PAX4: variants seen among roughly 807,000 people sequenced by gnomAD.
The protein encoded by PAX4 is paired box protein Pax-4.
In PAX4, 33 loss-of-function variants were observed where a neutral mutation model predicts 40.6. The observed-to-expected ratio is 0.81, with a 90% confidence interval of 0.62 to 1.09. PAX4 has a LOEUF of 1.09. Among genes scored for constraint, PAX4 ranks in the 50% least tolerant of loss-of-function variants. PAX4 has a pLI of 0.00. For missense variants in PAX4, 459 were observed against 442.5 expected (o/e 1.04, Z -0.33); for synonymous variants, 174 against 170.6 (o/e 1.02, Z -0.16).
rs555225182 is a variant in PAX4 at position 127,615,216 on chromosome 7, G to A, written c.145-121C>T. 397 of 1,595,596 alleles carry A rather than the reference G, an allele frequency of 2.5e-4. 1 individual carries two copies. Among genetic ancestry groups the A allele is most frequent in the Admixed American group, 2.9e-4 (17 of 57,824 alleles). ...ACTTACTGGACCAGGCCATGAAGTC[G>A]GGAGTCCAGCCTCACCTTTGAGGGC... On this transcript the variant is annotated intron_variant, in intron 4 of 11. Coordinates refer to ENST00000639438, the MANE Select transcript of PAX4 (RefSeq NM_001366110.1).
chr7:127,612,964 G>T, intron 9 of PAX4, 58 bp downstream of exon 9: 2 of 1,263,278 alleles, frequency 1.6e-6, no homozygotes, highest in Non-Finnish European at 1.2e-6. Flanking sequence ...TGGATGGATG[G>T]ATGGATGGAT....
intron 1 of PAX4, 27 bp from the exon 2 acceptor site, chr7:127,617,427 T>A (rs537243933): frequency 1.6e-4 from 25 of 152,314 alleles, no homozygotes; most frequent in Middle Eastern, 6.8e-3. Context: ...ATTCAAGGTT[T>A]AGAAGCCAGT....
chr7:127,617,512 T>G (rs1794739264), intron 1 of PAX4, 112 bp from the exon 2 acceptor site: 1 of 152,172 alleles, frequency 6.6e-6, no homozygotes, highest in African/African-American at 2.4e-5. Flanking sequence ...GTTTCATGTT[T>G]GTGTAATTGC....
intron 3 of PAX4, 70 bp downstream of exon 3, chr7:127,615,846 A>C (rs1377928189): frequency 2.0e-6 from 3 of 1,534,292 alleles, no homozygotes; most frequent in Non-Finnish European, 2.6e-6. Flanking sequence ...AGTTGATGGA[A>C]GCAAAGCCCT....
At position 127,614,865 on chromosome 7, in the gene PAX4, G is replaced by C; in HGVS notation, c.360+15C>G. ...CTCTTTTCCAGCCCCAGTGTGGGGAGGGAAGGGTACTTACACTGGGAGTCT... is the reference window on the plus strand; with the variant it reads ...CTCTTTTCCAGCCCCAGTGTGGGGACGGAAGGGTACTTACACTGGGAGTCT... On this transcript the variant is annotated intron_variant, in intron 5 of 11. Transcript: ENST00000639438. The C allele has an allele frequency of 6.2e-7, 1 of 1,612,998 alleles. No homozygotes were observed. The highest frequency in any genetic ancestry group is 1.7e-4 in the Middle Eastern group (1 of 6,028).
At chr7:127,613,993 G>A (rs1476953311) in intron 6 of PAX4, 112 bp from the exon 7 acceptor site, 3 of 1,280,994 alleles carry the variant, frequency 2.3e-6, no homozygotes, top group Non-Finnish European at 1.1e-6. Flanking sequence ...TAGAAGAGCA[G>A]AGCCAAGCTG....
In PAX4 at chr7:127,615,961, C is replaced by T; in HGVS notation, c.-33G>A. 1 of 1,535,982 alleles carries T rather than the reference C, an allele frequency of 6.5e-7. No homozygotes were observed. Among genetic ancestry groups the T allele is most frequent in the Non-Finnish European group, 8.7e-7 (1 of 1,146,848 alleles). ...GCTGACCCTCCTCAGAAGGATGAGA[C>T]TCCAGCTGGGAAGGCTGGGAAGGGA... On this transcript the variant is annotated 5_prime_UTR_variant, in exon 3 of 12. Transcript: ENST00000639438.
chr7:127,615,366 G>A, intron 4 of PAX4, 35 bp downstream of exon 4: 3 of 1,613,962 alleles, frequency 1.9e-6, no homozygotes, highest in Non-Finnish European at 2.5e-6. Context: ...CCTGCTTCCT[G>A]TCCCCATCAC....
chr7:127,613,199 G>A (rs1794665029), intron 8 of PAX4, 108 bp from the exon 9 acceptor site: 2 of 977,688 alleles, frequency 2.0e-6, no homozygotes, highest in East Asian at 2.4e-5. Context: ...CCCTTCCTTG[G>A]GCCTGACATC....
intron 9 of PAX4, among the ~76,000 whole-genome samples, chr7:127,612,662 G>T (rs558085866): frequency 6.6e-6 from 1 of 151,144 alleles, no homozygotes; most frequent in South Asian, 2.1e-4. Context: ...TGGATGGGTG[G>T]GTGTGGTGGG....
intron 9 of PAX4, 149 bp downstream of exon 9, chr7:127,612,873 G>C: frequency 2.9e-6 from 2 of 685,834 alleles, no homozygotes; most frequent in East Asian, 5.4e-5. Context: ...TGGATGGATA[G>C]ATGAATGGAT....
intron 1 of PAX4, among the ~76,000 whole-genome samples, 181 bp from the exon 2 acceptor site, chr7:127,617,581 AG>A (rs1214284016): frequency 6.6e-6 from 1 of 152,216 alleles, no homozygotes; most frequent in African/African-American, 2.4e-5. Flanking sequence ...GTGCCAAGAC[AG>A]GGTGAAGGAG....
rs749541765 is a variant in PAX4 at position 127,611,694 on chromosome 7, G to A, written c.772-18C>T. ...GGGGACTGCTAAAAAAAAAAAGCAA[G>A]AGAAGAACCTTAGCTTCCAGTGATG... On this transcript the variant is annotated intron_variant, in intron 10 of 11. Transcript: ENST00000639438. 21 of 1,607,624 alleles carry A rather than the reference G, an allele frequency of 1.3e-5. No individual in the cohort carries two copies. The Admixed American group carries it at 3.3e-4, about 26-fold the overall frequency.
Position 127,611,160 on chromosome 7 carries a change from G to A in PAX4, c.960C>T (p.Cys320=), listed in dbSNP as rs1467349184. The A allele has an allele frequency of 1.2e-6, 2 of 1,605,274 alleles. No individual in the cohort carries two copies. The highest frequency in any genetic ancestry group is 1.3e-5 in the African/African-American group (1 of 74,846). Residue 320 remains cysteine (C), a synonymous_variant, in exon 12 of 12, where the codon TGC becomes TGT. Coordinates refer to ENST00000639438, the MANE Select transcript of PAX4 (RefSeq NM_001366110.1). ...GACAGTGGGAGGAAGGGCAAGGAAG[G>A]CAAAGCAGTCCTGAGTCCAGGGAAT... ...QPNSLDSGLL[C]LPCPSSHCHL...
intron 2 of PAX4, 73 bp from the exon 3 acceptor site, chr7:127,616,100 G>C (rs1330156053): frequency 8.3e-6 from 6 of 719,350 alleles, no homozygotes; most frequent in Non-Finnish European, 1.3e-5. Flanking sequence ...TTTTGTGATA[G>C]AGGGTCAGGT....
intron 6 of PAX4, 100 bp downstream of exon 6, chr7:127,614,382 T>C: frequency 4.4e-6 from 4 of 916,502 alleles, no homozygotes; most frequent in Non-Finnish European, 7.0e-6. Context: ...TATTGGGTTG[T>C]TGTGAGGGTG....
intron 6 of PAX4, 133 bp downstream of exon 6, chr7:127,614,349 G>A (rs2116139671): frequency 1.3e-6 from 1 of 773,028 alleles, no homozygotes; most frequent in East Asian, 2.7e-5. Flanking sequence ...GGGAGAGAAT[G>A]AGACTCCCTG....
At chr7:127,615,642 T>C in intron 3 of PAX4, 111 bp from the exon 4 acceptor site, 2 of 1,594,100 alleles carry the variant, frequency 1.3e-6, no homozygotes, top group Non-Finnish European at 1.7e-6. Context: ...GAGTGCATCC[T>C]CTCCTGGGAG....
intron 9 of PAX4, among the ~76,000 whole-genome samples, chr7:127,612,276 G>T (rs923679423): frequency 3.3e-5 from 5 of 152,222 alleles, no homozygotes; most frequent in Admixed American, 2.6e-4. Context: ...TCTAGCACAG[G>T]GTCTGGCACT....
Sources: allele counts gnomAD v4.1 joint callset (sites outside exome capture counted in the v4.1 genomes callset), GRCh38; gene constraint gnomAD v4.1.1; transcripts MANE v1.5; gene names NCBI Gene and HGNC (gene_info 2026-07-23, HGNC 2026-07-21).